RNF38: variants seen among roughly 807,000 people sequenced by gnomAD.
RNF38 encodes ring finger protein 38.
In RNF38, 15 loss-of-function variants were observed where a neutral mutation model predicts 67.2. That is an observed-to-expected ratio of 0.22 (90% CI 0.15 to 0.34). The LOEUF (loss-of-function observed/expected upper bound fraction) is 0.34. RNF38 is among the 10% of genes least tolerant of loss of function. The pLI, the probability that RNF38 is intolerant of heterozygous loss-of-function variation, is 1.00. For synonymous variants in RNF38, 220 were observed against 218.8 expected (o/e 1.01, Z -0.05); for missense variants, 524 against 639.9 (o/e 0.82, Z 1.95).
intron 1 of RNF38, among the ~76,000 whole-genome samples, chr9:36,441,726 A>AAAC (rs56118912): frequency 0.8 from 121,902 of 151,752 alleles, 49,396 homozygotes; most frequent in African/African-American, 0.91. Flanking sequence ...CCTCAATTAA[A>AAAC]AACAACAACT....
chr9:36,357,966 C>T (rs187751399), intron 4 of RNF38, 24 bp from the exon 5 acceptor site: 3 of 1,593,902 alleles, frequency 1.9e-6, no homozygotes, highest in African/African-American at 2.7e-5. Context: ...AACAAATGAA[C>T]AAACTTTAGC....
Position 36,351,212 on chromosome 9 carries a change from C to T in RNF38, c.1179-13G>A. 1 of 1,587,152 alleles carries T rather than the reference C, an allele frequency of 6.3e-7. No individual in the cohort carries two copies. The highest frequency in any genetic ancestry group is 8.6e-7 in the Non-Finnish European group (1 of 1,157,588). ...TGGAAGCATTGATCTGCAGTGAAAA[C>T]AATCACACTAGCATTGATATGTTAG... is the stretch of plus-strand genomic sequence containing the variant. On this transcript the variant is annotated splice_polypyrimidine_tract_variant and intron_variant, in intron 8 of 11. Coordinates refer to ENST00000259605, the MANE Select transcript of RNF38 (RefSeq NM_022781.5).
chr9:36,467,289 G>A lies in RNF38; in HGVS notation n.241+20019C>T, dbSNP rs1363372035. Among the ~76,000 whole-genome samples, 5 of 141,634 alleles carry A rather than the reference G, an allele frequency of 3.5e-5. No individual in the cohort carries two copies. In the East Asian group the frequency reaches 1.0e-3, roughly 30 times the overall value. 92.9% of individuals were successfully genotyped at this position (141,634 alleles called of 152,430 possible). On this transcript the variant is annotated intron_variant and non_coding_transcript_variant, in intron 1 of 3. Transcript: ENST00000488058. Reference sequence around the variant, plus strand: ...CACACACATACATATATGGGTAACAGTAATAGTGAAATTATCTTTTCCAAC... The same window carrying A: ...CACACACATACATATATGGGTAACAATAATAGTGAAATTATCTTTTCCAAC...
intron 1 of RNF38, among the ~76,000 whole-genome samples, chr9:36,394,014 C>T (rs770773110): frequency 1.9e-4 from 29 of 152,140 alleles, no homozygotes; most frequent in South Asian, 4.1e-4. Context: ...CAGTGGCTCA[C>T]GCCTGTAATC....
chr9:36,425,274 C>G (rs1838738978), intron 1 of RNF38, among the ~76,000 whole-genome samples: 1 of 152,132 alleles, frequency 6.6e-6, no homozygotes, highest in African/African-American at 2.4e-5. Context: ...ATTGGAACAA[C>G]AGATTACCCA....
intron 1 of RNF38, among the ~76,000 whole-genome samples, chr9:36,442,374 C>T (rs1839210938): frequency 6.6e-6 from 1 of 152,192 alleles, no homozygotes; most frequent in Non-Finnish European, 1.5e-5. Context: ...TCCCTTCCCT[C>T]CATCCACCTA....
At chr9:36,450,787 GCC>G (rs1366081273) in intron 1 of RNF38, among the ~76,000 whole-genome samples, 1 of 152,170 alleles carries the variant, frequency 6.6e-6, no homozygotes, top group Non-Finnish European at 1.5e-5. Flanking sequence ...GGTGGTTCAT[GCC>G]TGTAATCCCA....
chr9:36,470,249 T>A (rs1564075464), intron 1 of RNF38, among the ~76,000 whole-genome samples: 2 of 152,140 alleles, frequency 1.3e-5, no homozygotes, highest in African/African-American at 4.8e-5. Flanking sequence ...TTCTTCACCA[T>A]CACCTGATGC....
chr9:36,384,772 G>A (rs1289162887), intron 2 of RNF38, among the ~76,000 whole-genome samples: 2 of 152,216 alleles, frequency 1.3e-5, no homozygotes, highest in East Asian at 3.8e-4. Flanking sequence ...CTAAGGAAAT[G>A]ATGTTAGACA....
At chr9:36,360,476 C>G (rs1051033718) in intron 4 of RNF38, among the ~76,000 whole-genome samples, 1 of 152,122 alleles carries the variant, frequency 6.6e-6, no homozygotes, top group Non-Finnish European at 1.5e-5. Flanking sequence ...TTTAGAAAAT[C>G]TGCATTATAC....
At position 36,338,252 on chromosome 9, in the gene RNF38, C is replaced by A. The variant is rs1041863495; in HGVS notation, c.*1500G>T. 5.3e-5 allele frequency: 8 copies of A among 152,116 alleles called. No individual in the cohort carries two copies. The highest frequency in any genetic ancestry group is 8.8e-5 in the Non-Finnish European group (6 of 68,016). 9.4% of individuals were successfully genotyped at this position (152,116 alleles called of 1,614,324 possible). ...TGCTCAAAGAACTTACTAAAAAAAACCCCATACAGCTATGTATTACATCAA... is the reference window on the plus strand; with the variant it reads ...TGCTCAAAGAACTTACTAAAAAAAAACCCATACAGCTATGTATTACATCAA... On this transcript the variant is annotated 3_prime_UTR_variant, in exon 12 of 12. Coordinates refer to ENST00000259605, the MANE Select transcript of RNF38 (RefSeq NM_022781.5).
At chr9:36,389,085 T>A (rs1274783970) in intron 2 of RNF38, among the ~76,000 whole-genome samples, 1 of 152,002 alleles carries the variant, frequency 6.6e-6, no homozygotes, top group African/African-American at 2.4e-5. Flanking sequence ...TAGATCCCCC[T>A]CCACCCCCGC....
In RNF38 at chr9:36,426,862, A is replaced by G. The variant is rs536596172; in HGVS notation, n.242-2179T>C. The stretch of plus-strand genomic sequence containing the variant: ...ATGCCTCCCTCATCTGTAAAATTAG[A>G]ATATTATTATCTACTTATATGTAGG... On this transcript the variant is annotated intron_variant and non_coding_transcript_variant, in intron 1 of 3. Coordinates refer to the RNF38 transcript ENST00000488058. Among the ~76,000 whole-genome samples the G allele has an allele frequency of 7.9e-5, 12 of 152,328 alleles. No homozygotes were observed. In the East Asian group the frequency reaches 2.1e-3, roughly 27 times the overall value.
rs1344153413 is a variant in RNF38 at position 36,487,500 on chromosome 9, CGGCGGCGGCGGCTGCTGA to C, written n.31_48del. The stretch of plus-strand genomic sequence containing the variant: ...GACGACGACTGAGGCTGAAAGTGCG[CGGCGGCGGCGGCTGCTGA>C]GGCGGCGGCGGCAGCGACCGCGGCG... On this transcript the variant is annotated non_coding_transcript_exon_variant, in exon 1 of 4. Coordinates refer to the RNF38 transcript ENST00000488058. The C allele has an allele frequency of 1.2e-5, 12 of 977,442 alleles. No individual in the cohort carries two copies. The South Asian group carries it at 1.4e-4, about 11-fold the overall frequency. 60.5% of individuals were successfully genotyped at this position (977,442 alleles called of 1,614,324 possible). A position where few individuals can be genotyped will look rare whatever the true frequency, so the allele number is the denominator to read the frequency against.
chr9:36,439,836 T>C (rs1452469890), intron 1 of RNF38, among the ~76,000 whole-genome samples: 1 of 150,606 alleles, frequency 6.6e-6, no homozygotes, highest in Non-Finnish European at 1.5e-5. Flanking sequence ...ATGCTAACAG[T>C]ACCAATCTCC....
chr9:36,407,479 T>A (rs946974630), intron 2 of RNF38, among the ~76,000 whole-genome samples: 6 of 152,136 alleles, frequency 3.9e-5, no homozygotes, highest in African/African-American at 1.4e-4. Context: ...GAAACCTAAG[T>A]GCCTAGGACA....
chr9:36,344,911 G>C lies in RNF38; in HGVS notation c.1306C>G (p.Arg436Gly). Reference protein sequence around the residue: ...LAERLGEAKPRGLTKADIEQL... With the variant: ...LAERLGEAKPGGLTKADIEQL... ...TCAATATCTGCTTTAGTCAGTCCAC[G>C]AGGCTTTGCCTCTCCCAGTCGCTCT... The change falls in exon 10 of 12, where the codon CGT becomes GGT. Residue 436 changes from arginine to glycine, a missense_variant. Arg to Gly is a moderately radical substitution (Grantham distance 125). Around this residue, in one of 2 missense-constraint regions of RNF38, gnomAD observed 63 missense variants for 122.5 expected, o/e 0.51. Coordinates refer to ENST00000259605, the MANE Select transcript of RNF38 (RefSeq NM_022781.5). The C allele has an allele frequency of 6.2e-7, 1 of 1,613,960 alleles. No homozygotes were observed. The highest frequency in any genetic ancestry group is 8.5e-7 in the Non-Finnish European group (1 of 1,179,816).
intron 1 of RNF38, chr9:36,487,174 G>C (rs1261970284): frequency 5.3e-6 from 3 of 561,192 alleles, no homozygotes; most frequent in East Asian, 2.9e-4. Flanking sequence ...AGGGGCTCCG[G>C]GGCCGGACAA....
chr9:36,451,493 T>TTG (rs1839441974), intron 1 of RNF38, among the ~76,000 whole-genome samples: 1 of 112,718 alleles, frequency 8.9e-6, no homozygotes. Flanking sequence ...TTGTAGTAGT[T>TTG]TTTTTTTTTT....
Sources: gnomAD v4.1 joint callset for allele counts (sites outside exome capture counted in the v4.1 genomes callset) on GRCh38, gnomAD v4.1.1 for gene constraint, gnomAD v4.1.1 regional missense constraint, MANE v1.5 for transcripts, NCBI Gene and HGNC (gene_info 2026-07-23, HGNC 2026-07-21) for gene names.